EPS8: variants seen among roughly 807,000 people sequenced by gnomAD.
The protein encoded by EPS8 is EGFR pathway substrate 8, signaling adaptor, also known as epidermal growth factor receptor kinase substrate 8.
In EPS8, 42 loss-of-function variants were observed where a neutral mutation model predicts 103.8. That is an observed-to-expected ratio of 0.40 (90% CI 0.32 to 0.52). The LOEUF (loss-of-function observed/expected upper bound fraction) is 0.52. Ranked by LOEUF, EPS8 falls within the 20% of genes least tolerant of loss-of-function variation. The pLI is 0.40. For synonymous variants in EPS8, 344 were observed against 344.6 expected (o/e 1.00, Z 0.02); for missense variants, 969 against 1,005.1 (o/e 0.96, Z 0.49).
Position 15,681,315 on chromosome 12 carries a change from T to A in EPS8, c.60-13A>T. On this transcript the variant is annotated splice_polypyrimidine_tract_variant and intron_variant, in intron 2 of 20. Coordinates refer to ENST00000281172, the MANE Select transcript of EPS8 (RefSeq NM_004447.6). Reference sequence around the variant, plus strand: ...TGATCCGTAGCCACTGTAATAATAATAATAATAATAATAATAATAATATAA... The same window carrying A: ...TGATCCGTAGCCACTGTAATAATAAAAATAATAATAATAATAATAATATAA... 1.0e-6 allele frequency: 1 copy of A among 982,824 alleles called. No individual in the cohort carries two copies. Among genetic ancestry groups the A allele is most frequent in the Non-Finnish European group, 1.4e-6 (1 of 733,154 alleles). 60.9% of individuals were successfully genotyped at this position (982,824 alleles called of 1,614,324 possible). A position where few individuals can be genotyped will look rare whatever the true frequency, so the allele number is the denominator to read the frequency against.
chr12:15,669,494 G>T lies in EPS8; in HGVS notation c.409C>A (p.Gln137Lys). 2 of 1,613,308 alleles carry T rather than the reference G, an allele frequency of 1.2e-6. No individual in the cohort carries two copies. Among genetic ancestry groups the T allele is most frequent in the Non-Finnish European group, 1.7e-6 (2 of 1,179,648 alleles). Reference protein sequence around the residue: ...NFPLNTIQHCQAVMHSCSYDS... With the variant: ...NFPLNTIQHCKAVMHSCSYDS... ...TAGCTGCATGAATGCATCACAGCTT[G>T]GCAGTGCTGGATTGTGTTTAAAGGA... is the stretch of plus-strand genomic sequence containing the variant. Residue 137 changes from glutamine to lysine, a missense_variant, in exon 6 of 21, where the codon CAA (glutamine) becomes AAA (lysine). Physicochemically the swap from Gln to Lys is moderately conservative, Grantham distance 53 (BLOSUM62 1). Transcript: ENST00000281172.
chr12:15,708,239 C>T lies in EPS8; in HGVS notation c.-21-25267G>A, dbSNP rs191468346. On this transcript the variant is annotated intron_variant, in intron 1 of 20. Transcript: ENST00000281172. The stretch of plus-strand genomic sequence containing the variant: ...TATTGACCATGGGCAAGTTAATTAA[C>T]CCCTCTAAGCCTCACTTTCCTCATC... Among the ~76,000 whole-genome samples the T allele has an allele frequency of 6.6e-5, 10 of 152,308 alleles. No individual in the cohort carries two copies. The East Asian group carries it at 1.7e-3, about 26-fold the overall frequency.
intron 1 of EPS8, among the ~76,000 whole-genome samples, chr12:15,710,263 G>C (rs1337394394): frequency 1.3e-5 from 2 of 152,218 alleles, no homozygotes; most frequent in Non-Finnish European, 2.9e-5. Context: ...TTGTCAGAGA[G>C]TTGTTACCAG....
At chr12:15,719,613 G>A (rs546939682) in intron 1 of EPS8, among the ~76,000 whole-genome samples, 2 of 152,148 alleles carry the variant, frequency 1.3e-5, no homozygotes, top group Non-Finnish European at 2.9e-5. Context: ...TTTTTAAAAC[G>A]GTTTAATTTC....
At chr12:15,765,225 A>G (rs908992732) in intron 1 of EPS8, among the ~76,000 whole-genome samples, 2 of 152,212 alleles carry the variant, frequency 1.3e-5, no homozygotes, top group African/African-American at 2.4e-5. Context: ...ATAAGCCTTT[A>G]TCCCAAAAAG....
intron 4 of EPS8, among the ~76,000 whole-genome samples, chr12:15,670,290 T>A (rs767959970): frequency 3.3e-5 from 5 of 152,114 alleles, no homozygotes; most frequent in Admixed American, 1.3e-4. Flanking sequence ...AACTATTCAA[T>A]CCACTAAAAC....
chr12:15,683,520 GACA>G (rs1436702636), intron 1 of EPS8: 1 of 151,984 alleles, frequency 6.6e-6, no homozygotes, highest in Non-Finnish European at 1.5e-5. Flanking sequence ...AAGCACATTT[GACA>G]ACATGTGCTT....
At position 15,783,707 on chromosome 12, in the gene EPS8, T is replaced by A. The variant is rs1947282389; in HGVS notation, c.-22+5454A>T. Reference sequence around the variant, plus strand: ...TTCCATTTTCACAAAGAAGCATCTCTGAGTTAGTAAAAAAAAAAAAAAAAA... The same window carrying A: ...TTCCATTTTCACAAAGAAGCATCTCAGAGTTAGTAAAAAAAAAAAAAAAAA... On this transcript the variant is annotated intron_variant, in intron 1 of 20. Coordinates refer to ENST00000281172, the MANE Select transcript of EPS8 (RefSeq NM_004447.6). Among the ~76,000 whole-genome samples the A allele has an allele frequency of 7.6e-5, 11 of 144,188 alleles. No homozygotes were observed. The South Asian group carries it at 2.4e-3, about 31-fold the overall frequency. 94.6% of individuals were successfully genotyped at this position (144,188 alleles called of 152,430 possible).
intron 1 of EPS8, among the ~76,000 whole-genome samples, chr12:15,737,091 T>G (rs941691833): frequency 1.2e-4 from 18 of 152,184 alleles, no homozygotes; most frequent in African/African-American, 4.1e-4. Context: ...GGCTCAGGCC[T>G]CATACCTAGT....
rs1947026698 is a variant in EPS8, at chr12:15,760,178, T to C, written c.-22+28983A>G. ...CATTAGTGGCTACTAAGAGCAACTA[T>C]ATGCCAATAAACTGGAAAATCTAGA... is the stretch of plus-strand genomic sequence containing the variant. On this transcript the variant is annotated intron_variant, in intron 1 of 20. Transcript: ENST00000281172. The surrounding 1 kb of genome is among the most constrained non-coding windows in gnomAD (Gnocchi z 4.5). Among the ~76,000 whole-genome samples, 1 of 151,980 alleles carries C rather than the reference T, an allele frequency of 6.6e-6. No individual in the cohort carries two copies. The highest frequency in any genetic ancestry group is 2.4e-5 in the African/African-American group (1 of 41,384).
At chr12:15,774,993 A>G (rs1947193806) in intron 1 of EPS8, among the ~76,000 whole-genome samples, 1 of 152,130 alleles carries the variant, frequency 6.6e-6, no homozygotes, top group African/African-American at 2.4e-5. Context: ...TCTTTCATTC[A>G]TAGTAGCTAA....
chr12:15,722,625 T>G (rs1031770636), intron 1 of EPS8, among the ~76,000 whole-genome samples: 2 of 152,332 alleles, frequency 1.3e-5, no homozygotes, highest in Admixed American at 6.5e-5. Flanking sequence ...AAATGCCTTA[T>G]GCTGGGTAAT....
At chr12:15,732,266 C>A (rs575326553) in intron 1 of EPS8, among the ~76,000 whole-genome samples, 1 of 152,212 alleles carries the variant, frequency 6.6e-6, no homozygotes, top group African/African-American at 2.4e-5. Flanking sequence ...TGTATCGAGA[C>A]CTTCATCAAC....
intron 1 of EPS8, among the ~76,000 whole-genome samples, chr12:15,694,735 TTACA>T (rs1452259958): frequency 6.6e-6 from 1 of 152,156 alleles, no homozygotes; most frequent in African/African-American, 2.4e-5. Context: ...GTTTACCTGC[TTACA>T]TAGTCATTAA....
intron 3 of EPS8, chr12:15,671,701 GT>G (rs1945821041): frequency 6.6e-6 from 1 of 152,144 alleles, no homozygotes; most frequent in Non-Finnish European, 1.5e-5. Flanking sequence ...AATTTGTATT[GT>G]TTTTTAAAAT....
chr12:15,662,209 C>G, intron 8 of EPS8, 110 bp from the exon 9 acceptor site: 1 of 1,545,326 alleles, frequency 6.5e-7, no homozygotes, highest in Non-Finnish European at 8.8e-7. Flanking sequence ...CCAAAGGGAA[C>G]ACCTCCACTG....
rs11833145 is a variant in EPS8 at position 15,751,155 on chromosome 12, C to T, written c.-22+38006G>A. Among the ~76,000 whole-genome samples the T allele has an allele frequency of 8.0e-3, 1,223 of 152,086 alleles. 18 individuals carry two copies. Among genetic ancestry groups the T allele is most frequent in the African/African-American group, 0.028 (1,142 of 41,450 alleles). On this transcript the variant is annotated intron_variant, in intron 1 of 20. Coordinates refer to ENST00000281172, the MANE Select transcript of EPS8 (RefSeq NM_004447.6). The surrounding 1 kb of genome is among the most constrained non-coding windows in gnomAD (Gnocchi z 4.3). The stretch of plus-strand genomic sequence containing the variant: ...GGCGGATCACTTGAGGTCAGGAGTT[C>T]GAGACCAGCCAGGCCAACATAGTGA...
intron 1 of EPS8, among the ~76,000 whole-genome samples, chr12:15,689,231 T>C: frequency 6.6e-6 from 1 of 152,316 alleles, no homozygotes; most frequent in Middle Eastern, 3.4e-3. Context: ...TGTGCAATTA[T>C]ATTCTTTATT....
intron 1 of EPS8, among the ~76,000 whole-genome samples, chr12:15,730,587 T>C (rs778157804): frequency 6.6e-6 from 1 of 152,242 alleles, no homozygotes; most frequent in Non-Finnish European, 1.5e-5. Context: ...TAGATAATTC[T>C]AGTTTGTAAA....
Sources: allele counts gnomAD v4.1 joint callset (sites outside exome capture counted in the v4.1 genomes callset), GRCh38; gene constraint gnomAD v4.1.1; non-coding constraint Gnocchi (gnomAD v3.1); transcripts MANE v1.5; gene names NCBI Gene and HGNC (gene_info 2026-07-23, HGNC 2026-07-21).